The following ADAM20 variants were observed in gnomAD, a reference collection of about 807,000 sequenced individuals.
ADAM20 encodes the protein ADAM metallopeptidase domain 20.
For synonymous variants in ADAM20, 305 were observed against 310.2 expected (o/e 0.98, Z 0.18); for missense variants, 871 against 883.2 (o/e 0.99, Z 0.18).
chr14:70,563,554 C>G, the ADAM20 span, among the ~76,000 whole-genome samples: 1 of 152,202 alleles, frequency 6.6e-6, no homozygotes, highest in African/African-American at 2.4e-5. Context: ...TTGTCCCCGC[C>G]TGCAACTCAT....
In ADAM20 at chr14:70,524,709, G is replaced by C. The variant is rs774282355; in HGVS notation, c.49C>G (p.Leu17Val). The change falls in exon 2 of 2, where the codon CTC (leucine) becomes GTC (valine). Residue 17 changes from leucine to valine, a missense_variant. Transcript: ENST00000256389. ...LVHIRVTLLL[L>V]WFGMFLSISG... The stretch of plus-strand genomic sequence containing the variant: ...ATAGACAAAAACATCCCAAACCAGA[G>C]CAGCAGAAGAGTGACCCTGATGTGC... The C allele has an allele frequency of 4.3e-6, 7 of 1,613,964 alleles. No homozygotes were observed. In the South Asian group the frequency reaches 6.6e-5, roughly 15 times the overall value.
the ADAM20 span, among the ~76,000 whole-genome samples, chr14:70,570,182 C>T: frequency 7.2e-5 from 11 of 151,962 alleles, no homozygotes; most frequent in Admixed American, 5.2e-4. Context: ...TAAATGCCTA[C>T]GTGAAAAGAT....
chr14:70,537,585 C>T (rs192386425), upstream of ADAM20, among the ~76,000 whole-genome samples: 12 of 152,244 alleles, frequency 7.9e-5, no homozygotes, highest in South Asian at 6.2e-4. Context: ...CTCAGCTTGA[C>T]GTCCTCTTGA....
At chr14:70,564,736 ATTTTT>A in the ADAM20 span, among the ~76,000 whole-genome samples, 15,096 of 91,878 alleles carry the variant, frequency 0.16, 1,744 homozygotes, top group East Asian at 0.52. Flanking sequence ...GATAGACGCA[ATTTTT>A]TTTTTTTTTT....
the ADAM20 span, among the ~76,000 whole-genome samples, chr14:70,542,259 T>C: frequency 6.6e-6 from 1 of 152,238 alleles, no homozygotes; most frequent in East Asian, 1.9e-4. Context: ...GTTATGGCAA[T>C]ATAGTTACAT....
the ADAM20 span, among the ~76,000 whole-genome samples, chr14:70,562,394 G>A: frequency 6.6e-6 from 1 of 152,182 alleles, no homozygotes; most frequent in Non-Finnish European, 1.5e-5. Context: ...AATTTACCTT[G>A]TCTCAGATGA....
chr14:70,572,422 T>C, the ADAM20 span, among the ~76,000 whole-genome samples: 1 of 152,166 alleles, frequency 6.6e-6, no homozygotes, highest in Non-Finnish European at 1.5e-5. Flanking sequence ...ACTGGACTTC[T>C]ACCTCTCACC....
chr14:70,564,879 T>A, the ADAM20 span, among the ~76,000 whole-genome samples: 34 of 149,976 alleles, frequency 2.3e-4, no homozygotes, highest in African/African-American at 7.4e-4. Context: ...AGACCCCTTG[T>A]ATAAAAAAAT....
the ADAM20 span, among the ~76,000 whole-genome samples, chr14:70,563,148 T>C: frequency 3.3e-5 from 5 of 152,276 alleles, no homozygotes; most frequent in Admixed American, 1.3e-4. Flanking sequence ...TGACCATAAC[T>C]GGACCAAATG....
At chr14:70,553,309 TAAAAAAAAAA>T in the ADAM20 span, among the ~76,000 whole-genome samples, 177 of 17,234 alleles carry the variant, frequency 0.01, no homozygotes, top group Admixed American at 0.015. Flanking sequence ...TAGAGTATAA[TAAAAAAAAAA>T]AAAAAAAAAA....
At chr14:70,543,695 C>G in the ADAM20 span, among the ~76,000 whole-genome samples, 1 of 152,142 alleles carries the variant, frequency 6.6e-6, no homozygotes, top group African/African-American at 2.4e-5. Flanking sequence ...TTTTAACTGA[C>G]AGGATCATGG....
the ADAM20 span, among the ~76,000 whole-genome samples, chr14:70,576,743 G>T: frequency 6.6e-6 from 1 of 152,198 alleles, no homozygotes; most frequent in Non-Finnish European, 1.5e-5. Context: ...AGGGACATGA[G>T]GGGGAAGGAG....
At chr14:70,561,475 C>T in the ADAM20 span, among the ~76,000 whole-genome samples, 1 of 152,232 alleles carries the variant, frequency 6.6e-6, no homozygotes, top group African/African-American at 2.4e-5. Context: ...GAAATTCAAG[C>T]CTGCTGCAGA....
chr14:70,522,910 T>A lies in ADAM20; in HGVS notation c.1848A>T (p.Pro616=). The A allele has an allele frequency of 6.2e-7, 1 of 1,614,134 alleles. No homozygotes were observed. Among genetic ancestry groups the A allele is most frequent in the Non-Finnish European group, 8.5e-7 (1 of 1,179,980 alleles). The change falls in exon 2 of 2, where the codon CCA becomes CCT. Residue 616 remains proline (P), a synonymous_variant. Coordinates refer to ENST00000256389, the MANE Select transcript of ADAM20 (RefSeq NM_003814.5). ...GEVKDGTVCG[P]EKICIRKKCA... ...ACTTCTTACGGATGCAGATCTTTTC[T>A]GGACCACATACTGTGCCATCTTTCA...
chr14:70,576,673 C>G, the ADAM20 span, among the ~76,000 whole-genome samples: 4 of 151,960 alleles, frequency 2.6e-5, no homozygotes, highest in Non-Finnish European at 5.9e-5. Context: ...GAGTAATTCA[C>G]AGAGAGCAGG....
chr14:70,535,498 T>C (rs1410465626), upstream of ADAM20, among the ~76,000 whole-genome samples: 5 of 152,176 alleles, frequency 3.3e-5, no homozygotes, highest in Non-Finnish European at 7.3e-5. Context: ...AAATATCCCC[T>C]AGTCTCCTTT....
chr14:70,534,382 C>T (rs147673378), intron 1 of ADAM20, among the ~76,000 whole-genome samples: 87 of 152,126 alleles, frequency 5.7e-4, no homozygotes, highest in African/African-American at 1.8e-3. Context: ...TTATCAAAAT[C>T]GGGCTCTTGA....
chr14:70,538,087 C>G (rs1883872207), upstream of ADAM20, among the ~76,000 whole-genome samples: 1 of 152,126 alleles, frequency 6.6e-6, no homozygotes, highest in African/African-American at 2.4e-5. Context: ...CCTCCGTATT[C>G]TCATCCCCCT....
chr14:70,538,860 C>T (rs761593064), upstream of ADAM20, among the ~76,000 whole-genome samples: 3 of 152,126 alleles, frequency 2.0e-5, no homozygotes, highest in African/African-American at 2.4e-5. Flanking sequence ...TGCAGTGGCA[C>T]GATCTCAGCT....
Sources: gnomAD v4.1 joint callset for allele counts (sites outside exome capture counted in the v4.1 genomes callset) on GRCh38, gnomAD v4.1.1 for gene constraint, MANE v1.5 for transcripts, NCBI Gene and HGNC (gene_info 2026-07-23, HGNC 2026-07-21) for gene names.